Variants in FLYWCH2 observed in about 807,000 individuals in gnomAD.
The protein encoded by FLYWCH2 is FLYWCH family member 2.
Under a neutral mutation model 6.0 loss-of-function variants are expected in FLYWCH2, and 2 were observed. That is an observed-to-expected ratio of 0.33 (90% CI 0.14 to 1.04). The LOEUF is 1.04. Among genes scored for constraint, FLYWCH2 ranks in the 50% least tolerant of loss-of-function variants. The pLI, the probability that FLYWCH2 is intolerant of heterozygous loss-of-function variation, is 0.45. For synonymous variants in FLYWCH2, 87 were observed against 79.3 expected, an observed-to-expected ratio of 1.10 and a Z score of -0.52; for missense variants, 192 against 183.4, an observed-to-expected ratio of 1.05 and a Z score of -0.27.
At chr16:2,890,502 CCTT>C (rs980127367) in intron 1 of FLYWCH2, among the ~76,000 whole-genome samples, 6 of 151,878 alleles carry the variant, frequency 4.0e-5, no homozygotes, top group African/African-American at 1.5e-4. Flanking sequence ...GCAATCTCCA[CCTT>C]CTGATTTCAA....
At position 2,898,395 on chromosome 16, in the gene FLYWCH2, G is replaced by T. The variant is rs114531627; in HGVS notation, c.323-654G>T. Among the ~76,000 whole-genome samples the T allele has an allele frequency of 1.1e-3, 169 of 152,304 alleles. 2 individuals are homozygous for T. Among genetic ancestry groups the T allele is most frequent in the African/African-American group, 4.0e-3 (167 of 41,564 alleles). On this transcript the variant is annotated intron_variant, in intron 3 of 3. Coordinates refer to ENST00000396958, the MANE Select transcript of FLYWCH2 (RefSeq NM_138439.3). ...TCTGCCTGTCCCCCTGGCTTCTCCTGCCAACCTTGGGCAGAGGATGCAGTC... is the reference window on the plus strand; with the variant it reads ...TCTGCCTGTCCCCCTGGCTTCTCCTTCCAACCTTGGGCAGAGGATGCAGTC...
chr16:2,889,586 G>C (rs539185306), intron 1 of FLYWCH2, among the ~76,000 whole-genome samples: 9 of 151,786 alleles, frequency 5.9e-5, no homozygotes, highest in Admixed American at 5.3e-4. Context: ...GAGCAAAGTT[G>C]CTTATGCTGG....
chr16:2,897,344 C>G (rs911427334), intron 3 of FLYWCH2, among the ~76,000 whole-genome samples: 4 of 152,178 alleles, frequency 2.6e-5, no homozygotes, highest in Non-Finnish European at 5.9e-5. Flanking sequence ...CAATCACCCC[C>G]CACCAAGCCT....
At chr16:2,897,420 C>T (rs2069836200) in intron 3 of FLYWCH2, among the ~76,000 whole-genome samples, 4 of 152,174 alleles carry the variant, frequency 2.6e-5, no homozygotes, top group Admixed American at 2.6e-4. Context: ...GTGGCCCTAG[C>T]TGCTGCGGGC....
chr16:2,887,146 T>C (rs2069707016), intron 1 of FLYWCH2, among the ~76,000 whole-genome samples: 1 of 151,984 alleles, frequency 6.6e-6, no homozygotes, highest in African/African-American at 2.4e-5. Context: ...CTATAATTTT[T>C]TGTTTTTTTG....
intron 3 of FLYWCH2, among the ~76,000 whole-genome samples, chr16:2,897,741 G>A (rs1341804215): frequency 6.6e-6 from 1 of 152,236 alleles, no homozygotes; most frequent in Non-Finnish European, 1.5e-5. Flanking sequence ...TCCTGCCTCT[G>A]GGCTCTACCA....
chr16:2,899,056 C>G lies in FLYWCH2; in HGVS notation c.330C>G (p.Asp110Glu). The change falls in exon 4 of 4, where the codon GAC becomes GAG. Residue 110 changes from aspartate to glutamate, a missense_variant. By Grantham distance (45) the Asp-to-Glu change is conservative. Transcript: ENST00000396958. Reference sequence around the variant, plus strand: ...CACCCTCTTCTCTCGCAGGCACAGACAGAACAGAAGACAGTGGATTAGCAG... The same window carrying G: ...CACCCTCTTCTCTCGCAGGCACAGAGAGAACAGAAGACAGTGGATTAGCAG... Reference protein sequence around the residue: ...QKRSRQDPGTDRTEDSGLAAG... With the variant: ...QKRSRQDPGTERTEDSGLAAG... 4 of 1,612,722 alleles carry G rather than the reference C, an allele frequency of 2.5e-6. No individual in the cohort carries two copies. Among genetic ancestry groups the G allele is most frequent in the Non-Finnish European group, 2.5e-6 (3 of 1,179,360 alleles).
At chr16:2,896,035 C>T (rs565559415) in intron 2 of FLYWCH2, among the ~76,000 whole-genome samples, 62 of 152,306 alleles carry the variant, frequency 4.1e-4, no homozygotes, top group African/African-American at 1.4e-3. Flanking sequence ...GGAAACCCTT[C>T]GTCCGTGCTC....
chr16:2,890,226 TTG>T (rs1242946895), intron 1 of FLYWCH2, among the ~76,000 whole-genome samples: 29 of 100,908 alleles, frequency 2.9e-4, no homozygotes, highest in African/African-American at 1.2e-3. Flanking sequence ...TTTTTTGTTT[TTG>T]TTTTTTTTTT....
At chr16:2,892,267 G>T (rs1203640668) in intron 1 of FLYWCH2, among the ~76,000 whole-genome samples, 1 of 151,808 alleles carries the variant, frequency 6.6e-6, no homozygotes, top group Admixed American at 6.6e-5. Flanking sequence ...GGCTGAGGCG[G>T]GTGGATCACC....
At chr16:2,897,637 C>A (rs914328842) in intron 3 of FLYWCH2, among the ~76,000 whole-genome samples, 2 of 152,208 alleles carry the variant, frequency 1.3e-5, no homozygotes. Context: ...GCAGGGCTGC[C>A]CCTTTCCCTG....
At chr16:2,893,531 G>T (rs376299403) in intron 1 of FLYWCH2, among the ~76,000 whole-genome samples, 6 of 151,540 alleles carry the variant, frequency 4.0e-5, no homozygotes, top group African/African-American at 4.8e-5. Flanking sequence ...CTGACTTTTC[G>T]CTTTGGAGAA....
intron 1 of FLYWCH2, among the ~76,000 whole-genome samples, chr16:2,884,367 C>T (rs1185478326): frequency 6.6e-6 from 1 of 151,922 alleles, no homozygotes; most frequent in Non-Finnish European, 1.5e-5. Context: ...TCCAGAACAT[C>T]GTCAGTGAGG....
At chr16:2,892,145 T>C (rs1162750552) in intron 1 of FLYWCH2, among the ~76,000 whole-genome samples, 1 of 151,660 alleles carries the variant, frequency 6.6e-6, no homozygotes, top group Non-Finnish European at 1.5e-5. Context: ...TGAGCTGAGA[T>C]TGCGACATTG....
intron 1 of FLYWCH2, among the ~76,000 whole-genome samples, chr16:2,893,747 C>G (rs1187387362): frequency 6.7e-6 from 1 of 150,212 alleles, no homozygotes; most frequent in African/African-American, 2.5e-5. Context: ...ACGCCATTCT[C>G]CTGCCTCAGC....
chr16:2,888,240 G>T (rs2335464), intron 1 of FLYWCH2, among the ~76,000 whole-genome samples: 61,701 of 151,710 alleles, frequency 0.41, 12,927 homozygotes, highest in Non-Finnish European at 0.45. Context: ...AAACTCCTGA[G>T]TTCAGGCAAT....
chr16:2,896,753 C>A lies in FLYWCH2; in HGVS notation c.304C>A (p.Arg102=). The A allele has an allele frequency of 6.2e-7, 1 of 1,610,768 alleles. No individual in the cohort carries two copies. Among genetic ancestry groups the A allele is most frequent in the African/African-American group, 1.3e-5 (1 of 75,050 alleles). ...EAAPQEPEQK[R]SRQDPGTDRT... ...AGCCCCTCAGGAGCCTGAGCAGAAA[C>A]GGAGCAGGCAGGACCCAGGTGAGGC... The change falls in exon 3 of 4, where the codon CGG becomes AGG. Residue 102 remains arginine, a synonymous_variant. Transcript: ENST00000396958.
intron 3 of FLYWCH2, among the ~76,000 whole-genome samples, chr16:2,897,682 C>A (rs938329029): frequency 3.9e-5 from 6 of 152,224 alleles, no homozygotes; most frequent in Non-Finnish European, 8.8e-5. Context: ...CAGGCCATGC[C>A]CTGCTGTCCC....
chr16:2,896,437 C>G lies in FLYWCH2; in HGVS notation c.-13C>G. 1 of 1,603,378 alleles carries G rather than the reference C, an allele frequency of 6.2e-7. No individual in the cohort carries two copies. The highest frequency in any genetic ancestry group is 1.7e-5 in the Admixed American group (1 of 59,196). On this transcript the variant is annotated 5_prime_UTR_variant, in exon 3 of 4. Coordinates refer to ENST00000396958, the MANE Select transcript of FLYWCH2 (RefSeq NM_138439.3). ...GCTGAGTGTGGCCTGAGGGACAGGC[C>G]CTGGGTCCCGGGATGCCCCTGCCCG...
Sources: allele counts gnomAD v4.1 joint callset (sites outside exome capture counted in the v4.1 genomes callset), GRCh38; gene constraint gnomAD v4.1.1; transcripts MANE v1.5; gene names NCBI Gene and HGNC (gene_info 2026-07-23, HGNC 2026-07-21).